Variants in EPM2A observed in about 807,000 individuals in gnomAD.
The protein encoded by EPM2A is EPM2A glucan phosphatase, laforin.
A neutral mutation model predicts 26.5 loss-of-function variants in EPM2A; 21 were observed. The observed-to-expected ratio is 0.79, with a 90% CI of 0.56 to 1.14. The LOEUF is 1.14. Ranked by LOEUF, EPM2A falls within the 50% of genes most tolerant of loss-of-function variation. EPM2A has a pLI of 0.00. For missense variants in EPM2A, 458 were observed against 440.8 expected (o/e 1.04, Z -0.35); for synonymous variants, 217 against 177.6 (o/e 1.22, Z -1.76).
At chr6:145,431,812 T>G (rs1295838460) in intron 4 of EPM2A, among the ~76,000 whole-genome samples, 1 of 152,186 alleles carries the variant, frequency 6.6e-6, no homozygotes, top group Non-Finnish European at 1.5e-5. Flanking sequence ...GCACGCCCTG[T>G]TTTTTGACTT....
intron 2 of EPM2A, among the ~76,000 whole-genome samples, chr6:145,615,090 ACAGGG>A (rs1775476846): frequency 6.6e-6 from 1 of 152,158 alleles, no homozygotes; most frequent in Non-Finnish European, 1.5e-5. Context: ...GCAAGCCAAA[ACAGGG>A]TTGAATACAT....
chr6:145,670,865 G>A, intron 2 of EPM2A: 1 of 979,462 alleles, frequency 1.0e-6, no homozygotes, highest in Non-Finnish European at 1.2e-6. Context: ...GGTACTCTTA[G>A]AGAACTCTCA....
At chr6:145,534,889 G>C (rs1180167327) in intron 2 of EPM2A, among the ~76,000 whole-genome samples, 1 of 152,130 alleles carries the variant, frequency 6.6e-6, no homozygotes, top group African/African-American at 2.4e-5. Context: ...CCTAAAGCTT[G>C]TTTAGGTACC....
At chr6:145,478,568 AT>A (rs1023369654) in intron 4 of EPM2A, among the ~76,000 whole-genome samples, 3 of 151,938 alleles carry the variant, frequency 2.0e-5, no homozygotes, top group African/African-American at 7.2e-5. Flanking sequence ...TGGTACTGGC[AT>A]AAAAACAGAC....
chr6:145,600,546 T>TAGTTGCTTAGGAGTGTGTACC, intron 2 of EPM2A, among the ~76,000 whole-genome samples: 1 of 152,244 alleles, frequency 6.6e-6, no homozygotes, highest in East Asian at 1.9e-4. Context: ...CTGGCAATGG[T>TAGTTGCTTAGGAGTGTGTACC]AGTTGCTTAG....
At chr6:145,615,056 GGC>G (rs1479134929) in intron 2 of EPM2A, among the ~76,000 whole-genome samples, 1 of 152,112 alleles carries the variant, frequency 6.6e-6, no homozygotes, top group Non-Finnish European at 1.5e-5. Flanking sequence ...TATTTTTTAT[GGC>G]CATCGGTATT....
intron 4 of EPM2A, among the ~76,000 whole-genome samples, chr6:145,465,996 A>C (rs1779386615): frequency 6.6e-6 from 1 of 152,128 alleles, no homozygotes; most frequent in Non-Finnish European, 1.5e-5. Context: ...TTCAAAATGG[A>C]TTAAAGACTT....
chr6:145,534,240 G>C (rs140998581), intron 2 of EPM2A, among the ~76,000 whole-genome samples: 1 of 146,882 alleles, frequency 6.8e-6, no homozygotes, highest in African/African-American at 2.4e-5. Context: ...GTACTTCAGC[G>C]TACTTCACCT....
intron 2 of EPM2A, chr6:145,637,554 G>A (rs1217669159): frequency 6.6e-6 from 1 of 151,628 alleles, no homozygotes; most frequent in East Asian, 1.9e-4. Flanking sequence ...GATTATTATG[G>A]GAAAAAAATG....
chr6:145,647,137 C>T (rs1413628608), intron 2 of EPM2A, among the ~76,000 whole-genome samples: 1 of 152,194 alleles, frequency 6.6e-6, no homozygotes, highest in African/African-American at 2.4e-5. Flanking sequence ...GCATGTGAAA[C>T]CCACTCCGTA....
At chr6:145,564,445 T>C (rs1167191632) in intron 2 of EPM2A, among the ~76,000 whole-genome samples, 1 of 152,148 alleles carries the variant, frequency 6.6e-6, no homozygotes, top group Admixed American at 6.5e-5. Context: ...GCATGAGCAG[T>C]GAGGCTTTAG....
chr6:145,634,943 G>A (rs544873018), intron 3 of EPM2A: 25 of 307,564 alleles, frequency 8.1e-5, no homozygotes, highest in East Asian at 6.1e-4. Context: ...AGGACAATGC[G>A]CTCCGTGGGG....
At chr6:145,408,573 C>T (rs185785952) in intron 4 of EPM2A, among the ~76,000 whole-genome samples, 1 of 152,148 alleles carries the variant, frequency 6.6e-6, no homozygotes, top group Non-Finnish European at 1.5e-5. Context: ...CAATGACCCA[C>T]TTAAGTGGGC....
intron 2 of EPM2A, among the ~76,000 whole-genome samples, chr6:145,582,310 G>T (rs1781126451): frequency 6.6e-6 from 1 of 152,080 alleles, no homozygotes; most frequent in Non-Finnish European, 1.5e-5. Flanking sequence ...AGTGTGGTTG[G>T]TCTGATTTTG....
chr6:145,593,945 T>C (rs1181543812), intron 2 of EPM2A, among the ~76,000 whole-genome samples: 1 of 151,316 alleles, frequency 6.6e-6, no homozygotes, highest in Non-Finnish European at 1.5e-5. Context: ...AATTAAAATA[T>C]AAAACAATAG....
intron 2 of EPM2A, among the ~76,000 whole-genome samples, chr6:145,526,173 T>C (rs1780270329): frequency 6.6e-6 from 1 of 152,142 alleles, no homozygotes; most frequent in Admixed American, 6.6e-5. Context: ...AGCTTTTTGA[T>C]GTGCTGCTGG....
At chr6:145,383,465 A>C (rs1209641522) in exon 5 of EPM2A, 1 of 152,232 alleles carries the variant, frequency 6.6e-6, no homozygotes, top group Non-Finnish European at 1.5e-5. Flanking sequence ...ATCATGGTGG[A>C]AGCAAAGGGG....
At chr6:145,495,560 T>C (rs921685831) in intron 4 of EPM2A, among the ~76,000 whole-genome samples, 1 of 151,844 alleles carries the variant, frequency 6.6e-6, no homozygotes, top group Non-Finnish European at 1.5e-5. Flanking sequence ...GCAGACTTGT[T>C]TATGCGGATG....
intron 4 of EPM2A, among the ~76,000 whole-genome samples, chr6:145,407,843 T>G (rs1248467870): frequency 1.3e-5 from 2 of 152,196 alleles, no homozygotes; most frequent in African/African-American, 4.8e-5. Context: ...TACTGTCAGT[T>G]TGACTGAAGC....
Sources: allele counts gnomAD v4.1 joint callset (sites outside exome capture counted in the v4.1 genomes callset), GRCh38; gene constraint gnomAD v4.1.1; transcripts MANE v1.5; gene names NCBI Gene and HGNC (gene_info 2026-07-23, HGNC 2026-07-21).